TFEC: variants seen among roughly 807,000 people sequenced by gnomAD.
TFEC encodes class E basic helix-loop-helix protein 34.
Under a neutral mutation model 41.6 loss-of-function variants are expected in TFEC, and 31 were observed. The observed-to-expected ratio is 0.74, with a 90% CI of 0.56 to 1.01. The LOEUF (loss-of-function observed/expected upper bound fraction) is 1.01. Among genes scored for constraint, TFEC ranks in the 50% least tolerant of loss-of-function variants. TFEC has a pLI of 0.00. For missense variants in TFEC, 402 were observed against 404.1 expected (o/e 0.99, Z 0.04); for synonymous variants, 143 against 140.6 (o/e 1.02, Z -0.12).
chr7:116,047,854 G>A (rs750213284), intron 3 of TFEC, among the ~76,000 whole-genome samples: 2 of 152,106 alleles, frequency 1.3e-5, no homozygotes, highest in African/African-American at 2.4e-5. Flanking sequence ...GCCTCCACTG[G>A]TGATACCAGG....
Position 116,098,198 on chromosome 7 carries a change from T to C in TFEC, c.198+12510A>G, listed in dbSNP as rs866860809. ...TTTTTGAGACGGAGTCTCACTCTGC[T>C]GCATAGGCTGGAGTGCAGTGTCACG... On this transcript the variant is annotated intron_variant, in intron 3 of 8. Transcript: ENST00000484212. Among the ~76,000 whole-genome samples the C allele has an allele frequency of 3.3e-5, 5 of 152,144 alleles. No homozygotes were observed. In the South Asian group the frequency reaches 1.0e-3, roughly 32 times the overall value.
intron 3 of TFEC, among the ~76,000 whole-genome samples, chr7:116,037,388 G>A (rs563356626): frequency 6.6e-6 from 1 of 152,070 alleles, no homozygotes; most frequent in East Asian, 1.9e-4. Flanking sequence ...TAGAAATAAA[G>A]TCCAAAATCA....
intron 1 of TFEC, among the ~76,000 whole-genome samples, chr7:116,008,366 C>G (rs1794878985): frequency 6.6e-6 from 1 of 152,122 alleles, no homozygotes; most frequent in Non-Finnish European, 1.5e-5. Flanking sequence ...CAAATACATA[C>G]ACACATGCAT....
At chr7:116,159,191 ATG>A (rs777168638) in intron 1 of TFEC, among the ~76,000 whole-genome samples, 5 of 151,994 alleles carry the variant, frequency 3.3e-5, no homozygotes, top group Admixed American at 6.6e-5. Context: ...TCAGAAATAA[ATG>A]TCTCACTTTT....
At chr7:116,136,240 ATAT>A (rs1486692719) in intron 1 of TFEC, among the ~76,000 whole-genome samples, 1 of 152,082 alleles carries the variant, frequency 6.6e-6, no homozygotes, top group African/African-American at 2.4e-5. Context: ...TTAGGCAGTA[ATAT>A]TATGAACTCT....
At chr7:116,055,887 T>C (rs1280092332) in intron 3 of TFEC, among the ~76,000 whole-genome samples, 3 of 152,140 alleles carry the variant, frequency 2.0e-5, no homozygotes, top group African/African-American at 7.2e-5. Flanking sequence ...AAGCTGCTCC[T>C]ATTTGTGTAT....
intron 1 of TFEC, among the ~76,000 whole-genome samples, chr7:115,996,928 C>T (rs1219525967): frequency 1.3e-5 from 2 of 152,134 alleles, no homozygotes; most frequent in Non-Finnish European, 2.9e-5. Flanking sequence ...GAAAAGAGAA[C>T]CAGGTAGATT....
At chr7:116,043,598 AAT>A (rs1796090908) in intron 3 of TFEC, among the ~76,000 whole-genome samples, 1 of 152,204 alleles carries the variant, frequency 6.6e-6, no homozygotes, top group Admixed American at 6.5e-5. Context: ...CATTTATCAA[AAT>A]ATGTTAACTA....
At chr7:115,978,317 T>TAAAATATATAC (rs1793476309) in intron 2 of TFEC, among the ~76,000 whole-genome samples, 1 of 152,192 alleles carries the variant, frequency 6.6e-6, no homozygotes, top group Admixed American at 6.5e-5. Flanking sequence ...CATGAACACG[T>TAAAATATATAC]ATACACCTAA....
chr7:115,973,666 G>A (rs1432340442), intron 3 of TFEC, among the ~76,000 whole-genome samples: 1 of 151,898 alleles, frequency 6.6e-6, no homozygotes, highest in Non-Finnish European at 1.5e-5. Flanking sequence ...TTTAAAGGAG[G>A]GTGAGGCCTG....
chr7:115,957,226 C>T (rs1204639572), intron 3 of TFEC, among the ~76,000 whole-genome samples: 1 of 151,844 alleles, frequency 6.6e-6, no homozygotes, highest in African/African-American at 2.4e-5. Context: ...TTTTGGGACC[C>T]TTCTTAATAC....
At position 116,106,154 on chromosome 7, in the gene TFEC, G is replaced by T. The variant is rs1048001830; in HGVS notation, c.198+4554C>A. ...AAGAAACAGTTTCCTATTGATTAAAGAATATCTCTTATTTTAAATACTCTA... is the reference window on the plus strand; with the variant it reads ...AAGAAACAGTTTCCTATTGATTAAATAATATCTCTTATTTTAAATACTCTA... On this transcript the variant is annotated intron_variant, in intron 3 of 8. Transcript: ENST00000484212. Among the ~76,000 whole-genome samples, 7 of 152,134 alleles carry T rather than the reference G, an allele frequency of 4.6e-5. No homozygotes were observed. The East Asian group carries it at 1.4e-3, about 29-fold the overall frequency.
At chr7:116,115,376 A>T (rs945085809) in intron 1 of TFEC, among the ~76,000 whole-genome samples, 2 of 151,984 alleles carry the variant, frequency 1.3e-5, no homozygotes, top group Non-Finnish European at 2.9e-5. Flanking sequence ...TAAAGTCAAG[A>T]TGTCAGCAGG....
chr7:116,040,832 G>C (rs776892857), intron 3 of TFEC, among the ~76,000 whole-genome samples: 1 of 152,168 alleles, frequency 6.6e-6, no homozygotes, highest in Non-Finnish European at 1.5e-5. Flanking sequence ...CTCTGCATTT[G>C]TGTGTATTGT....
intron 3 of TFEC, among the ~76,000 whole-genome samples, chr7:116,051,384 T>C (rs1244425472): frequency 6.6e-6 from 1 of 152,138 alleles, no homozygotes; most frequent in Admixed American, 6.6e-5. Context: ...GGATAAGAGT[T>C]CAAGTCATCA....
At chr7:116,066,003 A>G (rs965367822) in intron 3 of TFEC, among the ~76,000 whole-genome samples, 4 of 152,140 alleles carry the variant, frequency 2.6e-5, no homozygotes, top group African/African-American at 9.7e-5. Flanking sequence ...AAAATACATC[A>G]AACAGAAATA....
chr7:115,942,106 A>C, intron 6 of TFEC, 66 bp from the exon 7 acceptor site: 8 of 1,444,058 alleles, frequency 5.5e-6, no homozygotes, highest in Non-Finnish European at 7.4e-6. Flanking sequence ...GAACTTACAA[A>C]ATCTTTTACA....
Position 115,938,255 on chromosome 7 carries a change from C to G in TFEC, c.*2296G>C, listed in dbSNP as rs1445222027. The G allele has an allele frequency of 6.6e-6, 1 of 151,834 alleles. No individual in the cohort carries two copies. Among genetic ancestry groups the G allele is most frequent in the Non-Finnish European group, 1.5e-5 (1 of 67,858 alleles). The allele number at this position is 151,834 out of a possible 1,614,324, so 9.4% of individuals were successfully genotyped here. ...TCAAAATATGAAGAAATGAGAAGAG[C>G]AGATAAAATGAGAACTGAAGCCAGT... On this transcript the variant is annotated 3_prime_UTR_variant, in exon 8 of 8. Transcript: ENST00000265440.
At position 116,057,805 on chromosome 7, in the gene TFEC, G is replaced by A. The variant is rs1298785115; in HGVS notation, c.198+52903C>T. Among the ~76,000 whole-genome samples the A allele has an allele frequency of 2.6e-5, 4 of 151,702 alleles. No individual in the cohort carries two copies. The East Asian group carries it at 5.8e-4, about 22-fold the overall frequency. ...CAAGTTCTTATACTATATGTAAAGA[G>A]GTATAATATAACTTGAAAAATTGTG... On this transcript the variant is annotated intron_variant, in intron 3 of 8. Transcript: ENST00000484212.
Sources: allele counts gnomAD v4.1 joint callset (sites outside exome capture counted in the v4.1 genomes callset), GRCh38; gene constraint gnomAD v4.1.1; transcripts MANE v1.5; gene names NCBI Gene and HGNC (gene_info 2026-07-23, HGNC 2026-07-21).